EPSTI1: variants seen among roughly 807,000 people sequenced by gnomAD.
EPSTI1 encodes the protein epithelial-stromal interaction protein 1.
In EPSTI1, 66 loss-of-function variants were observed where a neutral mutation model predicts 49.9. The ratio of observed to expected loss-of-function variants is 1.32; its 90% CI spans 1.08 to 1.62. The LOEUF (loss-of-function observed/expected upper bound fraction) is 1.62. Among genes scored for constraint, EPSTI1 ranks in the 40% most tolerant of loss-of-function variants. The probability of loss-of-function intolerance (pLI) is 0.00; values close to 1 mark genes in which losing one functional copy is unlikely to be tolerated. For missense variants in EPSTI1, 394 were observed against 365.5 expected, an observed-to-expected ratio of 1.08 and a Z score of -0.64; for synonymous variants, 137 against 130.7, an observed-to-expected ratio of 1.05 and a Z score of -0.33.
intron 1 of EPSTI1, chr13:42,991,241 T>C (rs963186424): frequency 5.9e-5 from 9 of 152,358 alleles, no homozygotes; most frequent in African/African-American, 2.2e-4. Context: ...CCCTTACCTG[T>C]TAGTGTCTGA....
chr13:42,936,685 A>G (rs1478509416), intron 6 of EPSTI1, among the ~76,000 whole-genome samples: 1 of 152,182 alleles, frequency 6.6e-6, no homozygotes, highest in Non-Finnish European at 1.5e-5. Flanking sequence ...CTTTATATTT[A>G]CATGCTAATA....
intron 3 of EPSTI1, among the ~76,000 whole-genome samples, chr13:42,965,049 T>A (rs1410483613): frequency 6.6e-6 from 1 of 152,220 alleles, no homozygotes; most frequent in Non-Finnish European, 1.5e-5. Context: ...ATCTGAAAGA[T>A]ATATAAGGCC....
chr13:42,980,901 C>G (rs922058806), intron 1 of EPSTI1, among the ~76,000 whole-genome samples: 1 of 152,142 alleles, frequency 6.6e-6, no homozygotes, highest in East Asian at 1.9e-4. Context: ...GAAACATATT[C>G]TGAAGATTTT....
chr13:42,908,595 A>G (rs1368339847), intron 8 of EPSTI1, among the ~76,000 whole-genome samples: 1 of 152,190 alleles, frequency 6.6e-6, no homozygotes, highest in Non-Finnish European at 1.5e-5. Context: ...ACAAAAGCAA[A>G]AACAGACAAA....
rs186090055 is a variant in EPSTI1, at chr13:42,919,280, C to T, written c.658-1656G>A. 3.0e-5 allele frequency: 49 copies of T among 1,612,810 alleles called. No individual in the cohort carries two copies. The Admixed American group carries it at 3.5e-4, about 12-fold the overall frequency. ...AACTTATGAAAAGTTCAGTTACTTG[C>T]AATCCTAATGTTTGCTTACCCAGCT... is the stretch of plus-strand genomic sequence containing the variant. On this transcript the variant is annotated intron_variant, in intron 7 of 10. Transcript: ENST00000313624.
chr13:42,909,081 G>A (rs569053712), intron 8 of EPSTI1, among the ~76,000 whole-genome samples: 10 of 132,078 alleles, frequency 7.6e-5, no homozygotes, highest in East Asian at 4.1e-4. Context: ...CAACAAGAGC[G>A]AAACTCCATC....
intron 9 of EPSTI1, among the ~76,000 whole-genome samples, chr13:42,897,888 T>G (rs992202879): frequency 3.9e-5 from 6 of 152,238 alleles, no homozygotes; most frequent in Admixed American, 3.9e-4. Flanking sequence ...TACATGCTAC[T>G]GCAGTCAAAA....
intron 3 of EPSTI1, 140 bp downstream of exon 3, chr13:42,968,954 A>AC (rs5803160): frequency 0.053 from 28,575 of 538,306 alleles, 1,714 homozygotes; most frequent in African/African-American, 0.091. Flanking sequence ...ACACACACAC[A>AC]ATTAAATGCA....
intron 9 of EPSTI1, among the ~76,000 whole-genome samples, chr13:42,895,763 G>A (rs548150041): frequency 5.3e-5 from 8 of 152,256 alleles, no homozygotes; most frequent in East Asian, 1.9e-4. Context: ...AGTTGCCCAC[G>A]TATGGCTGAG....
intron 6 of EPSTI1, among the ~76,000 whole-genome samples, chr13:42,950,241 G>A (rs546463492): frequency 4.6e-5 from 7 of 152,336 alleles, no homozygotes; most frequent in African/African-American, 1.7e-4. Flanking sequence ...AACAGTCACA[G>A]TCATTCAATT....
At position 42,888,027 on chromosome 13, in the gene EPSTI1, GAATAT is replaced by G; in HGVS notation, c.*462_*466del. The G allele has an allele frequency of 2.7e-6, 1 of 376,238 alleles. No individual in the cohort carries two copies. Among genetic ancestry groups the G allele is most frequent in the Non-Finnish European group, 4.7e-6 (1 of 212,832 alleles). 23.3% of individuals were successfully genotyped at this position (376,238 alleles called of 1,614,324 possible). On this transcript the variant is annotated 3_prime_UTR_variant, in exon 11 of 11. Coordinates refer to ENST00000313624, the MANE Select transcript of EPSTI1 (RefSeq NM_033255.5). ...AATTTATTTATAAATTTGTGTAAAA[GAATAT>G]AAGACCTTTTTCTTTTGTACATATT... is the stretch of plus-strand genomic sequence containing the variant.
In EPSTI1 at chr13:42,911,266, C is replaced by CGT. The variant is rs1566109805; in HGVS notation, c.741+6274_741+6275insAC. On this transcript the variant is annotated intron_variant, in intron 8 of 10. Coordinates refer to ENST00000313624, the MANE Select transcript of EPSTI1 (RefSeq NM_033255.5). ...GAGAGTGTGTGTGTGTGTGTGTGTG[C>CGT]GCGCGCACGCGCGCACACGTGTGTG... 4.4e-5 allele frequency among the ~76,000 whole-genome samples: 5 copies of CGT among 112,880 alleles called. No homozygotes were observed. In the South Asian group the frequency reaches 1.7e-3, roughly 39 times the overall value. 74.1% of individuals were successfully genotyped at this position (112,880 alleles called of 152,430 possible).
intron 8 of EPSTI1, among the ~76,000 whole-genome samples, chr13:42,902,475 A>C (rs890078486): frequency 6.6e-6 from 1 of 152,140 alleles, no homozygotes; most frequent in Non-Finnish European, 1.5e-5. Flanking sequence ...ATTTTGGCTT[A>C]TATCTTTGCT....
At chr13:42,916,016 A>G (rs762326443) in intron 8 of EPSTI1, among the ~76,000 whole-genome samples, 6 of 152,142 alleles carry the variant, frequency 3.9e-5, no homozygotes. Flanking sequence ...AGTTATTTAA[A>G]AATAAATCAT....
intron 6 of EPSTI1, among the ~76,000 whole-genome samples, chr13:42,951,062 C>T (rs1444710905): frequency 6.6e-6 from 1 of 152,118 alleles, no homozygotes; most frequent in Non-Finnish European, 1.5e-5. Flanking sequence ...GAGGCTGAGG[C>T]TGGAGAATCG....
intron 6 of EPSTI1, among the ~76,000 whole-genome samples, chr13:42,941,027 T>C (rs1023434582): frequency 6.6e-6 from 1 of 152,184 alleles, no homozygotes; most frequent in Non-Finnish European, 1.5e-5. Flanking sequence ...ACTTAAAACA[T>C]TCTTCATTAT....
chr13:42,979,750 TCA>T (rs1158390840), intron 1 of EPSTI1, among the ~76,000 whole-genome samples: 2 of 152,150 alleles, frequency 1.3e-5, no homozygotes, highest in Admixed American at 1.3e-4. Flanking sequence ...AGCTGCAGGG[TCA>T]TAACACATCA....
Position 42,913,518 on chromosome 13 carries a change from T to C in EPSTI1, c.741+4023A>G, listed in dbSNP as rs1291965231. Among the ~76,000 whole-genome samples the C allele has an allele frequency of 2.0e-5, 3 of 152,226 alleles. No individual in the cohort carries two copies. The East Asian group carries it at 5.8e-4, about 29-fold the overall frequency. The stretch of plus-strand genomic sequence containing the variant: ...AAAATGTAGGCTTCCCTTAGTCTCA[T>C]TGGTCAAAACTGTATCACATGTCCA... On this transcript the variant is annotated intron_variant, in intron 8 of 10. Transcript: ENST00000313624.
At chr13:42,942,650 T>TG (rs2038790242) in intron 6 of EPSTI1, among the ~76,000 whole-genome samples, 1 of 142,764 alleles carries the variant, frequency 7.0e-6, no homozygotes, top group Non-Finnish European at 1.5e-5. Flanking sequence ...AATTAGATCC[T>TG]GTTGATTCTT....
Sources: allele counts gnomAD v4.1 joint callset (sites outside exome capture counted in the v4.1 genomes callset), GRCh38; gene constraint gnomAD v4.1.1; transcripts MANE v1.5; gene names NCBI Gene and HGNC (gene_info 2026-07-23, HGNC 2026-07-21).